The following AOAH variants were observed in gnomAD, a reference collection of about 807,000 sequenced individuals.
The protein encoded by AOAH is acyloxyacyl hydrolase (neutrophil).
Under a neutral mutation model 92.2 loss-of-function variants are expected in AOAH, and 64 were observed. The ratio of observed to expected loss-of-function variants is 0.69; its 90% CI spans 0.57 to 0.86. The LOEUF is 0.86. Among genes scored for constraint, AOAH ranks in the 40% least tolerant of loss-of-function variants. AOAH has a pLI of 0.00. For missense variants in AOAH, 656 were observed against 694.6 expected (o/e 0.94, Z 0.62); for synonymous variants, 263 against 254.5 (o/e 1.03, Z -0.32).
chr7:36,655,134 T>C (rs1794800875), intron 4 of AOAH, among the ~76,000 whole-genome samples: 1 of 152,226 alleles, frequency 6.6e-6, no homozygotes, highest in Admixed American at 6.5e-5. Flanking sequence ...TGCTTGCATC[T>C]TAGTGAGGAA....
At chr7:36,688,691 ATATG>A (rs1412663551) in intron 1 of AOAH, among the ~76,000 whole-genome samples, 3 of 152,106 alleles carry the variant, frequency 2.0e-5, no homozygotes, top group Non-Finnish European at 4.4e-5. Flanking sequence ...GAGTTAGACC[ATATG>A]TTCCTTAAGG....
At position 36,526,865 on chromosome 7, in the gene AOAH, C is replaced by T. The variant is rs1309435892; in HGVS notation, c.1522+3553G>A. Among the ~76,000 whole-genome samples, 6 of 152,164 alleles carry T rather than the reference C, an allele frequency of 3.9e-5. No homozygotes were observed. In the East Asian group the frequency reaches 1.2e-3, roughly 29 times the overall value. On this transcript the variant is annotated intron_variant, in intron 19 of 20. Coordinates refer to ENST00000617537, the MANE Select transcript of AOAH (RefSeq NM_001637.4). ...AAAGAAAAGGCTGCTTTCTGGCCAGCCCCATAAAGTCATTGGCTGATTTTA... is the reference window on the plus strand; with the variant it reads ...AAAGAAAAGGCTGCTTTCTGGCCAGTCCCATAAAGTCATTGGCTGATTTTA...
At position 36,523,629 on chromosome 7, in the gene AOAH, G is replaced by GTTTTTTTTTTTTTTTTT. The variant is rs57628897; in HGVS notation, c.1523-1531_1523-1515dup. Among the ~76,000 whole-genome samples the GTTTTTTTTTTTTTTTTT allele has an allele frequency of 7.0e-5, 7 of 100,134 alleles. 1 individual carries two copies. The highest frequency in any genetic ancestry group is 4.0e-4 in the Admixed American group (3 of 7,456). 65.7% of individuals were successfully genotyped at this position (100,134 alleles called of 152,430 possible). The stretch of plus-strand genomic sequence containing the variant: ...TCAGTTTGCCTGGCCTGTTTTGCCT[G>GTTTTTTTTTTTTTTTTT]TTTTTTTTTTTTTTTTTTTTGGCAT... On this transcript the variant is annotated intron_variant, in intron 19 of 20. Transcript: ENST00000617537.
chr7:36,637,546 C>A (rs571378798), intron 5 of AOAH, among the ~76,000 whole-genome samples: 6 of 152,134 alleles, frequency 3.9e-5, no homozygotes, highest in African/African-American at 1.4e-4. Context: ...GGTGGTGCTG[C>A]TGGCATCTAG....
chr7:36,594,557 G>A (rs539438023), intron 11 of AOAH, 127 bp from the exon 12 acceptor site: 1 of 811,842 alleles, frequency 1.2e-6, no homozygotes, highest in East Asian at 2.7e-5. Context: ...TCGCTTTAAG[G>A]GCTTTTGGTA....
At chr7:36,678,607 G>GCGCGCA (rs1796447104) in intron 2 of AOAH, among the ~76,000 whole-genome samples, 1 of 146,680 alleles carries the variant, frequency 6.8e-6, no homozygotes, top group African/African-American at 2.6e-5. Context: ...GTGTGCGCGC[G>GCGCGCA]CGCGCGCGTT....
At chr7:36,546,008 G>A (rs143432662) in intron 15 of AOAH, among the ~76,000 whole-genome samples, 1,655 of 152,366 alleles carry the variant, frequency 0.011, 18 homozygotes, top group Middle Eastern at 0.041. Flanking sequence ...GATAGGAAAA[G>A]CGCAAAGGAA....
chr7:36,680,244 A>G (rs1175218233), intron 2 of AOAH, among the ~76,000 whole-genome samples: 2 of 152,184 alleles, frequency 1.3e-5, no homozygotes, highest in African/African-American at 4.8e-5. Flanking sequence ...GCCAGAGGCA[A>G]AAGCAGTGGA....
At chr7:36,650,591 G>T (rs1437679859) in intron 4 of AOAH, among the ~76,000 whole-genome samples, 1 of 152,162 alleles carries the variant, frequency 6.6e-6, no homozygotes, top group Non-Finnish European at 1.5e-5. Flanking sequence ...CCCTACCCAG[G>T]AATACCAGAG....
chr7:36,700,188 T>C (rs991005543), intron 1 of AOAH, among the ~76,000 whole-genome samples: 6 of 152,196 alleles, frequency 3.9e-5, no homozygotes, highest in African/African-American at 4.8e-5. Context: ...TTAAAAAACA[T>C]TTGTATACAT....
At chr7:36,638,778 G>A (rs1049053085) in intron 4 of AOAH, among the ~76,000 whole-genome samples, 7 of 152,218 alleles carry the variant, frequency 4.6e-5, no homozygotes, top group African/African-American at 1.2e-4. Flanking sequence ...CTAAGAGTGC[G>A]TGTTGATGAC....
chr7:36,692,959 GA>G (rs1797501677), intron 1 of AOAH, among the ~76,000 whole-genome samples: 1 of 141,400 alleles, frequency 7.1e-6, no homozygotes, highest in African/African-American at 2.6e-5. Context: ...AGAAAAAGGA[GA>G]AAAAGCTTTC....
chr7:36,563,183 A>G (rs1396263109), intron 13 of AOAH, among the ~76,000 whole-genome samples: 4 of 129,822 alleles, frequency 3.1e-5, no homozygotes, highest in Non-Finnish European at 6.6e-5. Flanking sequence ...AAAAAAAAAA[A>G]AGGCAATGGG....
At chr7:36,649,364 C>T (rs572365651) in intron 4 of AOAH, among the ~76,000 whole-genome samples, 3 of 152,138 alleles carry the variant, frequency 2.0e-5, no homozygotes, top group Non-Finnish European at 4.4e-5. Context: ...CTTCATTGCA[C>T]CTTTGTAATT....
At chr7:36,703,229 GT>G (rs1562713030) in intron 1 of AOAH, among the ~76,000 whole-genome samples, 1 of 151,942 alleles carries the variant, frequency 6.6e-6, no homozygotes, top group Admixed American at 6.6e-5. Flanking sequence ...TGGAATCAAC[GT>G]TTGCCAAACT....
intron 12 of AOAH, among the ~76,000 whole-genome samples, chr7:36,583,955 G>C (rs1318605041): frequency 6.6e-6 from 1 of 152,166 alleles, no homozygotes; most frequent in East Asian, 1.9e-4. Context: ...TTGTGACATA[G>C]CAGATGGTTT....
chr7:36,703,228 C>T (rs902202351), intron 1 of AOAH, among the ~76,000 whole-genome samples: 36 of 152,072 alleles, frequency 2.4e-4, no homozygotes, highest in African/African-American at 7.7e-4. Flanking sequence ...CTGGAATCAA[C>T]GTTTGCCAAA....
intron 19 of AOAH, among the ~76,000 whole-genome samples, chr7:36,526,432 T>C (rs923607148): frequency 2.6e-5 from 4 of 152,230 alleles, no homozygotes; most frequent in Non-Finnish European, 5.9e-5. Context: ...TTTTTTTGTT[T>C]ATCTCAGGAT....
At chr7:36,676,294 A>G (rs1472285033) in intron 2 of AOAH, among the ~76,000 whole-genome samples, 1 of 152,222 alleles carries the variant, frequency 6.6e-6, no homozygotes, top group Non-Finnish European at 1.5e-5. Context: ...TGCAAAACCA[A>G]TTGTATTTCT....
Sources: allele counts gnomAD v4.1 joint callset (sites outside exome capture counted in the v4.1 genomes callset), GRCh38; gene constraint gnomAD v4.1.1; transcripts MANE v1.5; gene names NCBI Gene and HGNC (gene_info 2026-07-23, HGNC 2026-07-21).